SLC7A11: variants seen among roughly 807,000 people sequenced by gnomAD.
SLC7A11 encodes solute carrier family 7 member 11, also known as cystine/glutamate transporter.
SLC7A11 carries 35 observed loss-of-function variants against 54.5 expected under a neutral mutation model. The ratio of observed to expected loss-of-function variants is 0.64; its 90% confidence interval spans 0.49 to 0.85. The LOEUF is 0.85. Among genes scored for constraint, SLC7A11 ranks in the 40% least tolerant of loss-of-function variants. The pLI is 0.00. For synonymous variants in SLC7A11, 230 were observed against 225.2 expected (o/e 1.02, Z -0.19); for missense variants, 583 against 618.1 (o/e 0.94, Z 0.60).
At chr4:138,200,508 G>A (rs1284392665) in intron 6 of SLC7A11, among the ~76,000 whole-genome samples, 1 of 152,044 alleles carries the variant, frequency 6.6e-6, no homozygotes, top group Non-Finnish European at 1.5e-5. Context: ...ATGACATAGA[G>A]GTCACTTCTA....
chr4:138,240,046 G>A (rs1738339756), intron 1 of SLC7A11, among the ~76,000 whole-genome samples: 1 of 151,846 alleles, frequency 6.6e-6, no homozygotes, highest in Non-Finnish European at 1.5e-5. Context: ...AGTGGCTAAG[G>A]GTACTATTAG....
In SLC7A11 at chr4:138,168,848, T is replaced by A. The variant is rs1399583439; in HGVS notation, c.*3108A>T. The A allele has an allele frequency of 1.3e-5, 2 of 152,210 alleles. No homozygotes were observed. The highest frequency in any genetic ancestry group is 4.8e-5 in the African/African-American group (2 of 41,458). 9.4% of individuals were successfully genotyped at this position (152,210 alleles called of 1,614,324 possible). A position where few individuals can be genotyped will look rare whatever the true frequency, so the allele number is the denominator to read the frequency against. Reference sequence around the variant, plus strand: ...ACTTTCAGCTAACCATTTATAAGGTTCAGTTTTCATTGGATCAAAGGAATA... The same window carrying A: ...ACTTTCAGCTAACCATTTATAAGGTACAGTTTTCATTGGATCAAAGGAATA... On this transcript the variant is annotated 3_prime_UTR_variant, in exon 12 of 12. Transcript: ENST00000280612.
chr4:138,218,213 T>TA (rs1376638573), intron 5 of SLC7A11, among the ~76,000 whole-genome samples: 1 of 152,110 alleles, frequency 6.6e-6, no homozygotes, highest in African/African-American at 2.4e-5. Context: ...TCTTAAAAAC[T>TA]AAAAAAACAA....
chr4:138,217,192 C>T (rs562644039), intron 5 of SLC7A11, among the ~76,000 whole-genome samples: 1 of 152,218 alleles, frequency 6.6e-6, no homozygotes, highest in South Asian at 2.1e-4. Flanking sequence ...CTTATCTGTC[C>T]CCTACATAAG....
chr4:138,172,671 G>A (rs1736464532), intron 11 of SLC7A11, among the ~76,000 whole-genome samples: 5 of 152,254 alleles, frequency 3.3e-5, no homozygotes, highest in Middle Eastern at 3.4e-3. Flanking sequence ...ACACAAAAAT[G>A]TAGGAACTGA....
intron 9 of SLC7A11, among the ~76,000 whole-genome samples, chr4:138,182,095 G>T (rs1424296783): frequency 6.6e-6 from 1 of 151,730 alleles, no homozygotes; most frequent in Non-Finnish European, 1.5e-5. Flanking sequence ...GATGATTTTT[G>T]CCCCAAAGCA....
chr4:138,176,379 G>A (rs368707962), intron 11 of SLC7A11: 2 of 152,246 alleles, frequency 1.3e-5, no homozygotes, highest in African/African-American at 4.8e-5. Flanking sequence ...CTCCATTGCT[G>A]CTAGTTTCAC....
chr4:138,217,188 T>C (rs1004673394), intron 5 of SLC7A11, among the ~76,000 whole-genome samples: 10 of 152,212 alleles, frequency 6.6e-5, no homozygotes, highest in African/African-American at 2.4e-4. Context: ...GTTACTTATC[T>C]GTCCCCTACA....
intron 4 of SLC7A11, among the ~76,000 whole-genome samples, chr4:138,220,453 C>T (rs112084432): frequency 0.011 from 1,460 of 132,792 alleles, 39 homozygotes; most frequent in African/African-American, 0.035. Flanking sequence ...TAGAGAATGA[C>T]ATGTTTTTTT....
chr4:138,198,084 G>T (rs1336350626), intron 6 of SLC7A11, among the ~76,000 whole-genome samples: 3 of 150,190 alleles, frequency 2.0e-5, no homozygotes, highest in Non-Finnish European at 4.4e-5. Context: ...TATTATATCA[G>T]GTTTAAAAAA....
chr4:138,183,899 T>C (rs989935740), intron 7 of SLC7A11, among the ~76,000 whole-genome samples: 10 of 152,176 alleles, frequency 6.6e-5, no homozygotes, highest in Admixed American at 6.6e-5. Flanking sequence ...TGTGTCAATT[T>C]CTTTTGTGGT....
intron 1 of SLC7A11, among the ~76,000 whole-genome samples, chr4:138,239,408 T>C (rs1451755425): frequency 6.6e-6 from 1 of 152,198 alleles, no homozygotes; most frequent in Non-Finnish European, 1.5e-5. Context: ...AGTATATATA[T>C]GTATTAAACC....
chr4:138,197,919 G>T (rs1361086283), intron 6 of SLC7A11, among the ~76,000 whole-genome samples: 1 of 150,276 alleles, frequency 6.7e-6, no homozygotes, highest in East Asian at 1.9e-4. Context: ...ATAATGACAA[G>T]TATCAATGTA....
At chr4:138,234,528 C>T (rs1738158206) in intron 2 of SLC7A11, among the ~76,000 whole-genome samples, 1 of 151,842 alleles carries the variant, frequency 6.6e-6, no homozygotes, top group South Asian at 2.1e-4. Flanking sequence ...AGGTACTTTC[C>T]TCTGTCAACA....
chr4:138,191,942 T>A (rs4863770), intron 6 of SLC7A11, among the ~76,000 whole-genome samples: 1 of 151,836 alleles, frequency 6.6e-6, no homozygotes, highest in Non-Finnish European at 1.5e-5. Context: ...AACAAAAAAC[T>A]AAGAACACAA....
chr4:138,219,515 C>T (rs1737758121), intron 4 of SLC7A11, 150 bp from the exon 5 acceptor site: 1 of 570,712 alleles, frequency 1.8e-6, no homozygotes, highest in Admixed American at 3.3e-5. Flanking sequence ...ATACTGTACC[C>T]ATTCTATAGA....
At position 138,219,290 on chromosome 4, in the gene SLC7A11, T is replaced by A. The variant is rs1006772141; in HGVS notation, c.722A>T (p.Tyr241Phe). Residue 241 changes from tyrosine to phenylalanine, a missense_variant, in exon 5 of 12, where the codon TAT becomes TTT. Coordinates refer to ENST00000280612, the MANE Select transcript of SLC7A11 (RefSeq NM_014331.4). ...SITRLPLAFYYGMYAYAGWFY... is the reference protein window; with the variant it reads ...SITRLPLAFYFGMYAYAGWFY... ...CCAGCCAGCATATGCATACATTCCA[T>A]AATAAAAAGCCAGTGGCAACCGCGT... 3.1e-6 allele frequency: 5 copies of A among 1,606,180 alleles called. No individual in the cohort carries two copies. The African/African-American group carries it at 5.3e-5, about 17-fold the overall frequency.
At chr4:138,230,708 A>G (rs773342592) in intron 3 of SLC7A11, among the ~76,000 whole-genome samples, 2 of 152,194 alleles carry the variant, frequency 1.3e-5, no homozygotes, top group Non-Finnish European at 2.9e-5. Flanking sequence ...TGAACATAAT[A>G]TGAAGCAAAC....
intron 6 of SLC7A11, among the ~76,000 whole-genome samples, chr4:138,186,982 A>G (rs1367381858): frequency 1.3e-5 from 2 of 152,178 alleles, no homozygotes; most frequent in African/African-American, 4.8e-5. Context: ...TGCTTAAGGT[A>G]TATAAAGTTT....
Sources: allele counts gnomAD v4.1 joint callset (sites outside exome capture counted in the v4.1 genomes callset), GRCh38; gene constraint gnomAD v4.1.1; transcripts MANE v1.5; gene names NCBI Gene and HGNC (gene_info 2026-07-23, HGNC 2026-07-21).